The following PDZRN4 variants were observed in gnomAD, a reference collection of about 807,000 sequenced individuals.
PDZRN4 encodes PDZ domain-containing RING finger protein 4.
In PDZRN4, 70 loss-of-function variants were observed where a neutral mutation model predicts 99.0. The ratio of observed to expected loss-of-function variants is 0.71; its 90% CI spans 0.58 to 0.86. PDZRN4 has a LOEUF of 0.86. Among genes scored for constraint, PDZRN4 ranks in the 40% least tolerant of loss-of-function variants. The probability of loss-of-function intolerance (pLI) is 0.00; values close to 1 mark genes in which losing one functional copy is unlikely to be tolerated. For missense variants in PDZRN4, 1,474 were observed against 1,331.2 expected, an observed-to-expected ratio of 1.11 and a Z score of -1.67; for synonymous variants, 551 against 501.6, an observed-to-expected ratio of 1.10 and a Z score of -1.32.
chr12:41,322,330 A>G (rs1034634752), intron 3 of PDZRN4, among the ~76,000 whole-genome samples: 3 of 151,932 alleles, frequency 2.0e-5, no homozygotes, highest in African/African-American at 7.3e-5. Flanking sequence ...TCAGCTCCTC[A>G]AAATTTTTGT....
At position 41,447,021 on chromosome 12, in the gene PDZRN4, T is replaced by C. The variant is rs190383835; in HGVS notation, c.844-59435T>C. ...ACTAAAGCAGGATATGGGACGACTA[T>C]AGTTATTGAGGATCTTGATCTCCAC... On this transcript the variant is annotated intron_variant, in intron 3 of 9. Transcript: ENST00000402685. Among the ~76,000 whole-genome samples the C allele has an allele frequency of 2.0e-3, 298 of 152,136 alleles. 2 individuals are homozygous for C. Among genetic ancestry groups the C allele is most frequent in the African/African-American group, 6.8e-3 (282 of 41,510 alleles).
intron 3 of PDZRN4, among the ~76,000 whole-genome samples, chr12:41,267,436 A>G (rs1346912541): frequency 6.6e-6 from 1 of 152,178 alleles, no homozygotes; most frequent in Non-Finnish European, 1.5e-5. Flanking sequence ...AGAATATGGA[A>G]CAGAAAAAAA....
At chr12:41,351,760 C>T (rs745638370) in intron 3 of PDZRN4, among the ~76,000 whole-genome samples, 16 of 151,978 alleles carry the variant, frequency 1.1e-4, no homozygotes, top group Non-Finnish European at 1.5e-4. Context: ...AGAGCCAAAC[C>T]ATATCAAAGA....
intron 3 of PDZRN4, among the ~76,000 whole-genome samples, chr12:41,205,015 T>C (rs1283174868): frequency 1.3e-5 from 2 of 151,868 alleles, no homozygotes; most frequent in South Asian, 2.1e-4. Context: ...AGACATTTAA[T>C]TATTTTATTT....
chr12:41,415,433 A>T (rs1460517816), intron 3 of PDZRN4, among the ~76,000 whole-genome samples: 1 of 151,200 alleles, frequency 6.6e-6, no homozygotes, highest in Non-Finnish European at 1.5e-5. Context: ...CTGGTTCAGA[A>T]TTTACTTTTT....
intron 5 of PDZRN4, among the ~76,000 whole-genome samples, chr12:41,549,025 T>C (rs1347217290): frequency 6.6e-6 from 1 of 152,132 alleles, no homozygotes; most frequent in Non-Finnish European, 1.5e-5. Context: ...TTGAAGTACA[T>C]TTAAGTCAAA....
intron 3 of PDZRN4, among the ~76,000 whole-genome samples, chr12:41,259,604 A>C (rs11180507): frequency 0.14 from 22,044 of 152,160 alleles, 2,465 homozygotes; most frequent in African/African-American, 0.31. Context: ...GTTGCAGACT[A>C]TAACCACATC....
chr12:41,311,641 G>T (rs1221978023), intron 3 of PDZRN4, among the ~76,000 whole-genome samples: 2 of 152,244 alleles, frequency 1.3e-5, no homozygotes, highest in South Asian at 2.1e-4. Flanking sequence ...AACACAAAAT[G>T]TCTTCATACA....
intron 3 of PDZRN4, among the ~76,000 whole-genome samples, chr12:41,486,689 A>G (rs1415483234): frequency 1.3e-5 from 2 of 152,162 alleles, no homozygotes; most frequent in Non-Finnish European, 2.9e-5. Context: ...AAAAAAAATC[A>G]GAGTAAGAAA....
chr12:41,412,791 T>G (rs1015775417), intron 3 of PDZRN4, among the ~76,000 whole-genome samples: 1 of 152,086 alleles, frequency 6.6e-6, no homozygotes, highest in Non-Finnish European at 1.5e-5. Flanking sequence ...ATATCTATTT[T>G]ATAATAGCCA....
In PDZRN4 at chr12:41,508,960, A is replaced by G. The variant is rs143795773; in HGVS notation, c.1101-851A>G. On this transcript the variant is annotated intron_variant, in intron 4 of 9. Transcript: ENST00000402685. ...TAGGCTTTTTCAGTGTCTTTTAGAAATAGAAAAGGCCTTATGCTCTTTGCT... is the reference window on the plus strand; with the variant it reads ...TAGGCTTTTTCAGTGTCTTTTAGAAGTAGAAAAGGCCTTATGCTCTTTGCT... 3.9e-4 allele frequency among the ~76,000 whole-genome samples: 60 copies of G among 152,314 alleles called. 2 individuals carry two copies. The highest frequency in any genetic ancestry group is 1.3e-3 in the African/African-American group (55 of 41,582).
At chr12:41,482,582 T>C (rs982607518) in intron 3 of PDZRN4, among the ~76,000 whole-genome samples, 2 of 152,162 alleles carry the variant, frequency 1.3e-5, no homozygotes, top group African/African-American at 4.8e-5. Flanking sequence ...GTAAGATTAA[T>C]ATTATTCTCC....
At chr12:41,351,323 T>G (rs1041400991) in intron 3 of PDZRN4, among the ~76,000 whole-genome samples, 1 of 152,088 alleles carries the variant, frequency 6.6e-6, no homozygotes, top group African/African-American at 2.4e-5. Flanking sequence ...TAAAACAGCT[T>G]CTTCTGTAAA....
At position 41,188,360 on chromosome 12, in the gene PDZRN4, C is replaced by G. The variant is rs562189850; in HGVS notation, c.-96C>G. On this transcript the variant is annotated 5_prime_UTR_variant, in exon 1 of 10. Transcript: ENST00000402685. ...CGCCACCTCCCTCCACTGCCGCCGC[C>G]GCGAGACGGCTGCCCCGGGGGTGGC... 2.3e-5 allele frequency: 28 copies of G among 1,240,194 alleles called. No homozygotes were observed. In the East Asian group the frequency reaches 5.5e-4, roughly 24 times the overall value. 76.8% of individuals were successfully genotyped at this position (1,240,194 alleles called of 1,614,324 possible). A position where few individuals can be genotyped will look rare whatever the true frequency, so the allele number is the denominator to read the frequency against.
intron 5 of PDZRN4, among the ~76,000 whole-genome samples, chr12:41,528,941 A>C (rs2064241709): frequency 6.6e-6 from 1 of 152,080 alleles, no homozygotes; most frequent in South Asian, 2.1e-4. Flanking sequence ...CAGCCTTCAC[A>C]TTCTCCTGCT....
At chr12:41,312,306 A>T (rs1449613147) in intron 3 of PDZRN4, among the ~76,000 whole-genome samples, 1 of 151,204 alleles carries the variant, frequency 6.6e-6, no homozygotes, top group East Asian at 1.9e-4. Context: ...GTTTCTCTAT[A>T]GCAAAAAGAG....
intron 3 of PDZRN4, among the ~76,000 whole-genome samples, chr12:41,479,013 T>C (rs779874580): frequency 2.2e-4 from 33 of 152,294 alleles, no homozygotes; most frequent in Non-Finnish European, 4.0e-4. Flanking sequence ...TTTTCTCCCT[T>C]CCCAAAATAA....
chr12:41,237,363 T>C (rs1951074477), intron 3 of PDZRN4, among the ~76,000 whole-genome samples: 1 of 152,182 alleles, frequency 6.6e-6, no homozygotes, highest in Admixed American at 6.5e-5. Flanking sequence ...GGCACGTTTG[T>C]AGCAAACACC....
intron 3 of PDZRN4, among the ~76,000 whole-genome samples, chr12:41,328,000 C>A (rs147997525): frequency 1.3e-5 from 2 of 151,940 alleles, no homozygotes; most frequent in African/African-American, 4.8e-5. Context: ...AGCAAAACTA[C>A]ACTAATGAAG....
Sources: gnomAD v4.1 joint callset for allele counts (sites outside exome capture counted in the v4.1 genomes callset) on GRCh38, gnomAD v4.1.1 for gene constraint, MANE v1.5 for transcripts, NCBI Gene and HGNC (gene_info 2026-07-23, HGNC 2026-07-21) for gene names.